TEAD1: variants seen among roughly 807,000 people sequenced by gnomAD.
TEAD1 encodes TEA domain transcription factor 1.
A neutral mutation model predicts 54.9 loss-of-function variants in TEAD1; 9 were observed. The observed-to-expected ratio is 0.16, with a 90% CI of 0.10 to 0.29. The LOEUF (loss-of-function observed/expected upper bound fraction) is 0.29. Ranked by LOEUF, TEAD1 falls within the 10% of genes least tolerant of loss-of-function variation. TEAD1 has a pLI of 1.00. For missense variants in TEAD1, 387 were observed against 535.9 expected (o/e 0.72, Z 2.74); for synonymous variants, 200 against 187.8 (o/e 1.07, Z -0.53).
intron 3 of TEAD1, among the ~76,000 whole-genome samples, chr11:12,780,077 A>G (rs1043353604): frequency 6.6e-6 from 1 of 152,162 alleles, no homozygotes; most frequent in African/African-American, 2.4e-5. Context: ...AAGGAAATGA[A>G]ATAAAAATTA....
At position 12,724,753 on chromosome 11, in the gene TEAD1, A is replaced by G. The variant is rs560434700; in HGVS notation, c.-54-39426A>G. Among the ~76,000 whole-genome samples the G allele has an allele frequency of 1.1e-4, 16 of 152,202 alleles. 1 individual carries two copies. The South Asian group carries it at 3.3e-3, about 32-fold the overall frequency. On this transcript the variant is annotated intron_variant, in intron 2 of 12. Coordinates refer to ENST00000527636, the MANE Select transcript of TEAD1 (RefSeq NM_021961.6). Reference sequence around the variant, plus strand: ...AGTGGGGGCCCTACTCTGGGATGGGAATTCCCATCCTCTCCCTGCCCTCTC... The same window carrying G: ...AGTGGGGGCCCTACTCTGGGATGGGGATTCCCATCCTCTCCCTGCCCTCTC...
chr11:12,903,008 T>G (rs61878799), intron 10 of TEAD1, among the ~76,000 whole-genome samples: 10,886 of 152,206 alleles, frequency 0.072, 579 homozygotes, highest in African/African-American at 0.14. Flanking sequence ...GTGTCATGAT[T>G]GTTTGGAGGT....
intron 3 of TEAD1, among the ~76,000 whole-genome samples, chr11:12,782,859 C>A (rs2165284): frequency 0.083 from 12,679 of 152,052 alleles, 1,874 homozygotes; most frequent in African/African-American, 0.29. Context: ...CTGTGGCAGC[C>A]GTATGGTAGG....
rs1947649030 is a variant in TEAD1, at chr11:12,867,701, T to C, written c.330+2801T>C. On this transcript the variant is annotated intron_variant, in intron 5 of 12. Transcript: ENST00000527636. Reference sequence around the variant, plus strand: ...GTGAGGAGGCAGGGACAAGCATCTTTACCGAGGTCATCATGGGGTCAGGCT... The same window carrying C: ...GTGAGGAGGCAGGGACAAGCATCTTCACCGAGGTCATCATGGGGTCAGGCT... Among the ~76,000 whole-genome samples, 5 of 152,210 alleles carry C rather than the reference T, an allele frequency of 3.3e-5. No homozygotes were observed. In the South Asian group the frequency reaches 1.0e-3, roughly 32 times the overall value.
chr11:12,774,294 A>G (rs1176872963), intron 3 of TEAD1, among the ~76,000 whole-genome samples: 2 of 152,242 alleles, frequency 1.3e-5, no homozygotes, highest in East Asian at 1.9e-4. Flanking sequence ...GAAGCAAGGC[A>G]CTGTGAAGCT....
At chr11:12,690,426 C>T (rs1161730939) in intron 2 of TEAD1, among the ~76,000 whole-genome samples, 3 of 152,082 alleles carry the variant, frequency 2.0e-5, no homozygotes, top group African/African-American at 7.2e-5. Flanking sequence ...CACATCCCCA[C>T]CTTTCTTGTA....
rs5789754 is a variant in TEAD1 at position 12,943,945 on chromosome 11, CAAAA to C, written c.*6730_*6733del. The C allele has an allele frequency of 2.2e-4, 33 of 150,200 alleles. No homozygotes were observed. Among genetic ancestry groups the C allele is most frequent in the Non-Finnish European group, 1.8e-4 (12 of 67,350 alleles). The allele number at this position is 150,200 out of a possible 1,614,324, so 9.3% of individuals were successfully genotyped here. ...AAAAACAGTATGTGCCTGAAAATGA[CAAAA>C]AAAAAATTTGTAACATTTAAAAAAG... On this transcript the variant is annotated 3_prime_UTR_variant, in exon 13 of 13. Transcript: ENST00000527636.
intron 3 of TEAD1, among the ~76,000 whole-genome samples, chr11:12,810,222 G>A (rs906153029): frequency 4.6e-5 from 7 of 151,898 alleles, no homozygotes; most frequent in East Asian, 1.9e-4. Context: ...CTCGTGATCC[G>A]CCCACCTCAA....
At chr11:12,695,629 C>G (rs1406788421) in intron 2 of TEAD1, among the ~76,000 whole-genome samples, 1 of 152,156 alleles carries the variant, frequency 6.6e-6, no homozygotes, top group East Asian at 1.9e-4. Flanking sequence ...AGAGCACAGC[C>G]CATGATCTGT....
chr11:12,851,118 T>C, intron 3 of TEAD1: 2 of 979,396 alleles, frequency 2.0e-6, no homozygotes, highest in Non-Finnish European at 2.4e-6. Context: ...AAACCATTTA[T>C]TGAGCGAGAC....
intron 2 of TEAD1, among the ~76,000 whole-genome samples, chr11:12,744,646 A>G (rs527393915): frequency 1.1e-4 from 16 of 152,342 alleles, no homozygotes; most frequent in Non-Finnish European, 1.8e-4. Flanking sequence ...TTGGTCATCT[A>G]TGGGTATTAA....
At position 12,879,578 on chromosome 11, in the gene TEAD1, T is replaced by C. The variant is rs113007028; in HGVS notation, c.331-130T>C. 6,715 of 1,077,582 alleles carry C rather than the reference T, an allele frequency of 6.2e-3. 45 individuals carry two copies. Among genetic ancestry groups the C allele is most frequent in the Non-Finnish European group, 6.6e-3 (4,713 of 709,378 alleles). The allele number at this position is 1,077,582 out of a possible 1,614,324, so 66.8% of individuals were successfully genotyped here. The stretch of plus-strand genomic sequence containing the variant: ...GCCTTCTGGCTGTGTTATTTATCCA[T>C]GCATGTTTGCTTTTTTTGGCCTATT... On this transcript the variant is annotated intron_variant, in intron 5 of 12. Coordinates refer to ENST00000527636, the MANE Select transcript of TEAD1 (RefSeq NM_021961.6).
chr11:12,764,424 C>G lies in TEAD1; in HGVS notation c.192C>G (p.Gly64=), dbSNP rs751875857. 1 of 1,614,116 alleles carries G rather than the reference C, an allele frequency of 6.2e-7. No homozygotes were observed. Among genetic ancestry groups the G allele is most frequent in the South Asian group, 1.1e-5 (1 of 91,084 alleles). ...GGAAAATCATCTTATCAGACGAAGG[C>G]AAAATGTATGGTAAGTGGCCTGGAA... The change falls in exon 3 of 13, where the codon GGC becomes GGG. Residue 64 remains glycine, a synonymous_variant. Coordinates refer to ENST00000527636, the MANE Select transcript of TEAD1 (RefSeq NM_021961.6).
At chr11:12,825,637 A>T (rs928948606) in intron 3 of TEAD1, among the ~76,000 whole-genome samples, 18 of 152,188 alleles carry the variant, frequency 1.2e-4, no homozygotes, top group South Asian at 2.1e-4. Context: ...GCATCTTTTT[A>T]AAAAAAATTG....
chr11:12,758,573 G>A (rs958965065), intron 2 of TEAD1, among the ~76,000 whole-genome samples: 52 of 152,128 alleles, frequency 3.4e-4, no homozygotes, highest in African/African-American at 1.2e-3. Flanking sequence ...ACCACGCCTG[G>A]CTAATTTTGT....
chr11:12,800,184 G>A (rs989380009), intron 3 of TEAD1, among the ~76,000 whole-genome samples: 3 of 152,166 alleles, frequency 2.0e-5, no homozygotes, highest in African/African-American at 4.8e-5. Flanking sequence ...AAAAATGTCC[G>A]TGGATGATGA....
chr11:12,825,756 T>C (rs1946639904), intron 3 of TEAD1, among the ~76,000 whole-genome samples: 1 of 152,184 alleles, frequency 6.6e-6, no homozygotes, highest in Non-Finnish European at 1.5e-5. Flanking sequence ...GTTTCAAAAC[T>C]TACTACAAAG....
chr11:12,853,008 T>C (rs1947305810), intron 3 of TEAD1, among the ~76,000 whole-genome samples: 1 of 152,216 alleles, frequency 6.6e-6, no homozygotes, highest in South Asian at 2.1e-4. Flanking sequence ...ACTTTTTGTT[T>C]CACTTTATAA....
intron 2 of TEAD1, among the ~76,000 whole-genome samples, chr11:12,679,652 T>G (rs1943174898): frequency 6.6e-6 from 1 of 152,100 alleles, no homozygotes; most frequent in African/African-American, 2.4e-5. Flanking sequence ...GTGCTGCTTT[T>G]TTTTTTAATA....
Sources: gnomAD v4.1 joint callset for allele counts (sites outside exome capture counted in the v4.1 genomes callset) on GRCh38, gnomAD v4.1.1 for gene constraint, MANE v1.5 for transcripts, NCBI Gene and HGNC (gene_info 2026-07-23, HGNC 2026-07-21) for gene names.